RBFOX3: variants seen among roughly 807,000 people sequenced by gnomAD.
RBFOX3 encodes RNA binding protein fox-1 homolog 3.
Under a neutral mutation model 48.7 loss-of-function variants are expected in RBFOX3, and 17 were observed. The ratio of observed to expected loss-of-function variants is 0.35; its 90% CI spans 0.24 to 0.52. The LOEUF is 0.52. Ranked by LOEUF, RBFOX3 falls within the 20% of genes least tolerant of loss-of-function variation. RBFOX3 has a pLI of 0.94. For synonymous variants in RBFOX3, 212 were observed against 209.5 expected (o/e 1.01, Z -0.10); for missense variants, 382 against 497.5 (o/e 0.77, Z 2.21).
intron 4 of RBFOX3, among the ~76,000 whole-genome samples, chr17:79,182,894 G>A (rs1314573894): frequency 6.9e-6 from 1 of 145,334 alleles, no homozygotes; most frequent in Non-Finnish European, 1.5e-5. Flanking sequence ...TCCCCGCCCC[G>A]AGTCCCCAGC....
chr17:79,102,310 G>T (rs1599426315), intron 8 of RBFOX3, among the ~76,000 whole-genome samples: 1 of 152,322 alleles, frequency 6.6e-6, no homozygotes, highest in South Asian at 2.1e-4. Flanking sequence ...TCCCAGGAAG[G>T]GGTCTGGGCT....
chr17:79,645,973 C>T, the RBFOX3 span, among the ~76,000 whole-genome samples: 1 of 152,182 alleles, frequency 6.6e-6, no homozygotes, highest in Non-Finnish European at 1.5e-5. Context: ...AAAACTGTTT[C>T]CTCTCTTTAC....
rs538493905 is a variant in RBFOX3, at chr17:79,299,631, C to A, written c.-74+8093G>T. ...AGATCGTGGGGTTTTTGGAACTAAC[C>A]CCCTGAGGATACCAACGGACAACTG... On this transcript the variant is annotated intron_variant, in intron 3 of 14. Transcript: ENST00000693108. The surrounding 1 kb of genome is among the most constrained non-coding windows in gnomAD (Gnocchi z 4.5). Among the ~76,000 whole-genome samples, 5 of 152,234 alleles carry A rather than the reference C, an allele frequency of 3.3e-5. No individual in the cohort carries two copies. The highest frequency in any genetic ancestry group is 1.3e-4 in the Admixed American group (2 of 15,292).
In RBFOX3 at chr17:79,583,880, G is replaced by C. The variant is rs897366094; in HGVS notation, c.-320+26946C>G. Among the ~76,000 whole-genome samples the C allele has an allele frequency of 1.2e-4, 18 of 152,296 alleles. No homozygotes were observed. The East Asian group carries it at 2.1e-3, about 18-fold the overall frequency. On this transcript the variant is annotated intron_variant, in intron 1 of 14. Coordinates refer to ENST00000693108, the MANE Select transcript of RBFOX3 (RefSeq NM_001350451.2). ...CCATGGGAAAGGAGGGAAGTGAACA[G>C]AATGAGGGCTTTAGGAGGTGAGAGG... is the stretch of plus-strand genomic sequence containing the variant.
chr17:79,167,873 C>G (rs1289311810), intron 4 of RBFOX3, among the ~76,000 whole-genome samples: 3 of 152,190 alleles, frequency 2.0e-5, no homozygotes, highest in African/African-American at 4.8e-5. Context: ...CCGGGACCCT[C>G]CAGGGGAAGC....
At chr17:79,439,425 C>T (rs1555733359) in intron 2 of RBFOX3, among the ~76,000 whole-genome samples, 1 of 152,242 alleles carries the variant, frequency 6.6e-6, no homozygotes, top group Admixed American at 6.5e-5. Context: ...GCCCAGATGT[C>T]CCGTAACCTC....
In RBFOX3 at chr17:79,340,021, G is replaced by A. The variant is rs950005273; in HGVS notation, c.-174-32197C>T. On this transcript the variant is annotated intron_variant, in intron 2 of 14. Transcript: ENST00000693108. ...GATGTTAAACTTCTGAGCATGGGCC[G>A]GGCACGGCGGCTCACACCTGTAATC... is the stretch of plus-strand genomic sequence containing the variant. 4.6e-5 allele frequency among the ~76,000 whole-genome samples: 7 copies of A among 152,184 alleles called. No individual in the cohort carries two copies. The East Asian group carries it at 5.8e-4, about 13-fold the overall frequency.
intron 1 of RBFOX3, among the ~76,000 whole-genome samples, chr17:79,483,391 C>T (rs1485921487): frequency 2.0e-5 from 3 of 151,520 alleles, no homozygotes; most frequent in African/African-American, 7.3e-5. Context: ...CTGCACCACA[C>T]CTTTGCAGGT....
chr17:79,332,713 A>G (rs57167278), intron 2 of RBFOX3, among the ~76,000 whole-genome samples: 3 of 133,188 alleles, frequency 2.3e-5, no homozygotes, highest in Non-Finnish European at 3.4e-5. Flanking sequence ...GAGAGACAGA[A>G]AGACAGAGCC....
chr17:79,493,863 C>T (rs814747), intron 1 of RBFOX3, among the ~76,000 whole-genome samples: 101,859 of 151,998 alleles, frequency 0.67, 35,124 homozygotes, highest in East Asian at 0.8. Context: ...AGTCACACAC[C>T]CGCCGCGGCA....
chr17:79,337,160 C>T (rs2081323287), intron 2 of RBFOX3, among the ~76,000 whole-genome samples: 1 of 152,072 alleles, frequency 6.6e-6, no homozygotes, highest in South Asian at 2.1e-4. Flanking sequence ...ATAGTCCTGA[C>T]TCTCACACCA....
intron 4 of RBFOX3, among the ~76,000 whole-genome samples, chr17:79,122,363 C>T (rs1568172336): frequency 6.6e-6 from 1 of 152,222 alleles, no homozygotes; most frequent in Admixed American, 6.5e-5. Context: ...CTTCTCTCCT[C>T]TTGCTTGTCT....
rs1239819886 is a variant in RBFOX3, at chr17:79,293,157, A to G, written c.-74+14567T>C. Among the ~76,000 whole-genome samples, 10 of 152,216 alleles carry G rather than the reference A, an allele frequency of 6.6e-5. No homozygotes were observed. In the South Asian group the frequency reaches 1.7e-3, roughly 25 times the overall value. ...CATTTGACCCTTCCATCAGACCTAGATGGTCAACAGAGCACATCTCATTAT... is the reference window on the plus strand; with the variant it reads ...CATTTGACCCTTCCATCAGACCTAGGTGGTCAACAGAGCACATCTCATTAT... On this transcript the variant is annotated intron_variant, in intron 3 of 14. Coordinates refer to ENST00000693108, the MANE Select transcript of RBFOX3 (RefSeq NM_001350451.2).
intron 4 of RBFOX3, among the ~76,000 whole-genome samples, chr17:79,228,719 G>C (rs1209958160): frequency 6.6e-6 from 1 of 152,204 alleles, no homozygotes; most frequent in East Asian, 1.9e-4. Context: ...AAATAGCCGT[G>C]AGTTTGGGTT....
intron 3 of RBFOX3, among the ~76,000 whole-genome samples, chr17:79,296,305 CCA>C (rs61439993): frequency 0.21 from 27,846 of 130,150 alleles, 2,872 homozygotes; most frequent in African/African-American, 0.3. Flanking sequence ...CACACACACA[CCA>C]CACACACACA....
intron 4 of RBFOX3, among the ~76,000 whole-genome samples, chr17:79,181,694 C>T (rs901560823): frequency 6.6e-6 from 1 of 152,180 alleles, no homozygotes; most frequent in Non-Finnish European, 1.5e-5. Context: ...GGACCAGCCT[C>T]TGCTCCTGAC....
rs113739314 is a variant in RBFOX3, at chr17:79,118,157, C to T, written c.-33-2409G>A. Among the ~76,000 whole-genome samples the T allele has an allele frequency of 4.2e-3, 633 of 150,760 alleles. 2 individuals are homozygous for T. Among genetic ancestry groups the T allele is most frequent in the Non-Finnish European group, 7.5e-3 (504 of 67,552 alleles). On this transcript the variant is annotated intron_variant, in intron 4 of 14. Coordinates refer to ENST00000693108, the MANE Select transcript of RBFOX3 (RefSeq NM_001350451.2). ...GGCCGTCTCGGTGCTCGCCACCCTG[C>T]GACAGACTCGCTGACTGGGAACCTA...
chr17:79,209,044 C>T (rs2057974811), intron 4 of RBFOX3, among the ~76,000 whole-genome samples: 1 of 152,164 alleles, frequency 6.6e-6, no homozygotes, highest in Non-Finnish European at 1.5e-5. Flanking sequence ...TGGTCTCGAT[C>T]TCCTGACCTT....
rs2078402224 is a variant in RBFOX3, at chr17:79,479,111, TGCCCGG to T, written c.-175+3337_-175+3342del. Among the ~76,000 whole-genome samples the T allele has an allele frequency of 6.6e-6, 1 of 152,206 alleles. No homozygotes were observed. Among genetic ancestry groups the T allele is most frequent in the Non-Finnish European group, 1.5e-5 (1 of 68,036 alleles). On this transcript the variant is annotated intron_variant, in intron 2 of 14. Coordinates refer to ENST00000693108, the MANE Select transcript of RBFOX3 (RefSeq NM_001350451.2). The surrounding 1 kb of genome is among the most constrained non-coding windows in gnomAD (Gnocchi z 5.1). ...GCAAAAGCTCCTGCAGGCTTTTCCC[TGCCCGG>T]GTTTCTCCATCACTGTTCTCCAAGT...
Sources: gnomAD v4.1 joint callset for allele counts (sites outside exome capture counted in the v4.1 genomes callset) on GRCh38, gnomAD v4.1.1 for gene constraint, Gnocchi (gnomAD v3.1) non-coding constraint, MANE v1.5 for transcripts, NCBI Gene and HGNC (gene_info 2026-07-23, HGNC 2026-07-21) for gene names.